Variants in PPP2R5B observed in about 807,000 individuals in gnomAD.
The protein encoded by PPP2R5B is serine/threonine-protein phosphatase 2A 56 kDa regulatory subunit beta isoform.
In PPP2R5B, 19 loss-of-function variants were observed where a neutral mutation model predicts 59.9. The ratio of observed to expected loss-of-function variants is 0.32; its 90% CI spans 0.22 to 0.47. PPP2R5B has a LOEUF of 0.47. Among genes scored for constraint, PPP2R5B ranks in the 20% least tolerant of loss-of-function variants. The pLI is 1.00. For missense variants in PPP2R5B, 441 were observed against 640.2 expected (o/e 0.69, Z 3.36); for synonymous variants, 286 against 260.5 (o/e 1.10, Z -0.94).
chr11:64,921,284 G>A (rs1473157154), upstream of PPP2R5B, among the ~76,000 whole-genome samples: 1 of 151,826 alleles, frequency 6.6e-6, no homozygotes, highest in Non-Finnish European at 1.5e-5. Context: ...CAAATACACT[G>A]GCCCTGGGCA....
At chr11:64,926,091 C>T (rs535866292) in intron 2 of PPP2R5B, among the ~76,000 whole-genome samples, 158 bp downstream of exon 2, 4 of 152,240 alleles carry the variant, frequency 2.6e-5, no homozygotes, top group Non-Finnish European at 5.9e-5. Context: ...AGCCCTCCAG[C>T]CCTCTCTGCT....
intron 1 of PPP2R5B, among the ~76,000 whole-genome samples, chr11:64,918,597 T>C (rs1945071489): frequency 6.6e-6 from 1 of 152,064 alleles, no homozygotes; most frequent in Admixed American, 6.6e-5. Flanking sequence ...TCCCAAAGTG[T>C]TGGGATTACA....
chr11:64,933,840 G>A lies in PPP2R5B; in HGVS notation c.1490G>A (p.Ser497Asn), dbSNP rs1355556877. 5 of 1,535,540 alleles carry A rather than the reference G, an allele frequency of 3.3e-6. No homozygotes were observed. In the East Asian group the frequency reaches 9.8e-5, roughly 30 times the overall value. Residue 497 changes from serine to asparagine, a missense_variant, in exon 14 of 14, where the codon AGC (serine) becomes AAC (asparagine). Ser to Asn is a conservative substitution (Grantham distance 46). This residue lies in a region of PPP2R5B where 70 missense variants were observed against 64.2 expected (regional missense o/e 1.09). Coordinates refer to ENST00000164133, the MANE Select transcript of PPP2R5B (RefSeq NM_006244.4). The part of the protein sequence containing the change: ...TPQVAASGGQ[S>N] Reference sequence around the variant, plus strand: ...CAGGTGGCCGCCAGTGGGGGTCAGAGCTAGACAGCACCTCAGAAGGGGAAA... The same window carrying A: ...CAGGTGGCCGCCAGTGGGGGTCAGAACTAGACAGCACCTCAGAAGGGGAAA...
chr11:64,933,841 C>T lies in PPP2R5B; in HGVS notation c.1491C>T (p.Ser497=), dbSNP rs1236652369. 2 of 1,530,798 alleles carry T rather than the reference C, an allele frequency of 1.3e-6. No individual in the cohort carries two copies. The highest frequency in any genetic ancestry group is 2.4e-5 in the East Asian group (1 of 40,836). The allele number at this position is 1,530,798 out of a possible 1,614,324, so 94.8% of individuals were successfully genotyped here. ...AGGTGGCCGCCAGTGGGGGTCAGAG[C>T]TAGACAGCACCTCAGAAGGGGAAAA... ...TPQVAASGGQ[S] The change falls in exon 14 of 14, where the codon AGC becomes AGT. Residue 497 remains serine, a synonymous_variant. Transcript: ENST00000164133.
intron 12 of PPP2R5B, 26 bp downstream of exon 12, chr11:64,932,918 C>T: frequency 6.2e-7 from 1 of 1,612,728 alleles, no homozygotes; most frequent in Non-Finnish European, 8.5e-7. Flanking sequence ...TGACCTAACT[C>T]ACAGAAACTG....
Position 64,933,897 on chromosome 11 carries a change from C to G in PPP2R5B, c.*53C>G. The G allele has an allele frequency of 6.9e-7, 1 of 1,449,608 alleles. No individual in the cohort carries two copies. The highest frequency in any genetic ancestry group is 1.5e-5 in the South Asian group (1 of 66,746). 89.8% of individuals were successfully genotyped at this position (1,449,608 alleles called of 1,614,324 possible). A position where few individuals can be genotyped will look rare whatever the true frequency, so the allele number is the denominator to read the frequency against. On this transcript the variant is annotated 3_prime_UTR_variant, in exon 14 of 14. Transcript: ENST00000164133. ...ACCCAGAGCTGTCAGTCCCTCTATC[C>G]CTTCTCCTGTCCAGGGGCCCAGAGA...
At position 64,926,966 on chromosome 11, in the gene PPP2R5B, T is replaced by C; in HGVS notation, c.396+58T>C. Reference sequence around the variant, plus strand: ...GCCGAGAGGGCGTGTGAGCCCCGTTTCCTGTCCGCAGGACCCCTGCGTGGA... The same window carrying C: ...GCCGAGAGGGCGTGTGAGCCCCGTTCCCTGTCCGCAGGACCCCTGCGTGGA... On this transcript the variant is annotated intron_variant, in intron 3 of 13. Coordinates refer to ENST00000164133, the MANE Select transcript of PPP2R5B (RefSeq NM_006244.4). 9 of 1,569,490 alleles carry C rather than the reference T, an allele frequency of 5.7e-6. 1 individual carries two copies. The South Asian group carries it at 6.9e-5, about 12-fold the overall frequency.
chr11:64,918,649 A>AT (rs1041845658), intron 1 of PPP2R5B, among the ~76,000 whole-genome samples: 29 of 148,052 alleles, frequency 2.0e-4, no homozygotes, highest in Non-Finnish European at 3.7e-4. Flanking sequence ...TATTTTATTT[A>AT]TTTTTTTTGA....
chr11:64,930,592 G>T lies in PPP2R5B; in HGVS notation c.891+3G>T. ...CGCTGTCTGTCTTCCATGCCCAGGT[G>T]AGGCCCAGGCCTGTCCCTGCTGCAG... On this transcript the variant is annotated splice_donor_region_variant and intron_variant, in intron 8 of 13. Coordinates refer to ENST00000164133, the MANE Select transcript of PPP2R5B (RefSeq NM_006244.4). 1 of 1,612,534 alleles carries T rather than the reference G, an allele frequency of 6.2e-7. No homozygotes were observed. Among genetic ancestry groups the T allele is most frequent in the Non-Finnish European group, 8.5e-7 (1 of 1,178,542 alleles).
intron 12 of PPP2R5B, 64 bp downstream of exon 12, chr11:64,932,956 A>AC (rs1945243480): frequency 1.3e-6 from 2 of 1,595,478 alleles, no homozygotes; most frequent in Admixed American, 3.4e-5. Flanking sequence ...TCCAGACCCG[A>AC]CCCCAGGGTT....
rs1009005442 is a variant in PPP2R5B, at chr11:64,934,000, C to T, written c.*156C>T. 3.8e-5 allele frequency: 35 copies of T among 911,634 alleles called. No homozygotes were observed. The highest frequency in any genetic ancestry group is 7.1e-4 in the Middle Eastern group (2 of 2,828). The allele number at this position is 911,634 out of a possible 1,614,324, so 56.5% of individuals were successfully genotyped here. On this transcript the variant is annotated 3_prime_UTR_variant, in exon 14 of 14. Coordinates refer to ENST00000164133, the MANE Select transcript of PPP2R5B (RefSeq NM_006244.4). Reference sequence around the variant, plus strand: ...CAGCCCAGCTTTCACTGGGGGGAGACGAGGAGAGGCAATGGTGGTCTTGGC... The same window carrying T: ...CAGCCCAGCTTTCACTGGGGGGAGATGAGGAGAGGCAATGGTGGTCTTGGC...
chr11:64,929,769 G>C (rs1239231717), intron 6 of PPP2R5B, among the ~76,000 whole-genome samples: 1 of 152,124 alleles, frequency 6.6e-6, no homozygotes, highest in Non-Finnish European at 1.5e-5. Context: ...CTAACTCAGG[G>C]ACCATTATCG....
In PPP2R5B at chr11:64,934,222, T is replaced by G; in HGVS notation, c.*378T>G. ...TTGGCCAATGCGAGGTCCTTCCTTATCCCCACCATGGGGTCCATGGTCTAT... is the reference window on the plus strand; with the variant it reads ...TTGGCCAATGCGAGGTCCTTCCTTAGCCCCACCATGGGGTCCATGGTCTAT... On this transcript the variant is annotated 3_prime_UTR_variant, in exon 14 of 14. Coordinates refer to ENST00000164133, the MANE Select transcript of PPP2R5B (RefSeq NM_006244.4). The G allele has an allele frequency of 8.7e-6, 2 of 229,730 alleles. No individual in the cohort carries two copies. Among genetic ancestry groups the G allele is most frequent in the Non-Finnish European group, 8.5e-6 (1 of 118,042 alleles). 14.2% of individuals were successfully genotyped at this position (229,730 alleles called of 1,614,324 possible).
intron 1 of PPP2R5B, chr11:64,917,651 A>G (rs1304332815): frequency 6.5e-6 from 1 of 152,978 alleles, no homozygotes; most frequent in Non-Finnish European, 1.5e-5. Context: ...GTGAGTAAAC[A>G]TTCGCATTTT....
chr11:64,923,831 C>G (rs892521804), upstream of PPP2R5B, among the ~76,000 whole-genome samples: 1 of 152,160 alleles, frequency 6.6e-6, no homozygotes, highest in African/African-American at 2.4e-5. Context: ...GAGTTCAGGG[C>G]TATAAAGAGT....
chr11:64,924,590 G>A (rs1176194410), upstream of PPP2R5B: 2 of 152,276 alleles, frequency 1.3e-5, no homozygotes, highest in African/African-American at 2.4e-5. Flanking sequence ...CACTTTAAAC[G>A]GCGCGGGGAC....
chr11:64,929,155 C>A (rs1177600458), intron 6 of PPP2R5B, among the ~76,000 whole-genome samples: 9 of 152,044 alleles, frequency 5.9e-5, no homozygotes, highest in Non-Finnish European at 1.3e-4. Flanking sequence ...AAAGTAGAGG[C>A]CAAGAGAGAT....
At chr11:64,929,068 T>C (rs924961978) in intron 6 of PPP2R5B, among the ~76,000 whole-genome samples, 2 of 152,184 alleles carry the variant, frequency 1.3e-5, no homozygotes, top group Non-Finnish European at 2.9e-5. Context: ...CCTTTCTCAG[T>C]AACGTATTAC....
In PPP2R5B at chr11:64,933,784, CAAG is replaced by C. The variant is rs1282608409; in HGVS notation, c.1435_1437del (p.Lys479del). ...GCCGGCTACAGGGGACCCAGGGGGC[CAAG>C]GAGGCCCCCCTCCAGCGGCTTACAC... On this transcript the variant is annotated inframe_deletion, in exon 14 of 14. Transcript: ENST00000164133. 3 of 1,553,986 alleles carry C rather than the reference CAAG, an allele frequency of 1.9e-6. No homozygotes were observed. The East Asian group carries it at 7.3e-5, about 38-fold the overall frequency.
Sources: allele counts gnomAD v4.1 joint callset (sites outside exome capture counted in the v4.1 genomes callset), GRCh38; gene constraint gnomAD v4.1.1; regional missense constraint gnomAD v4.1.1; transcripts MANE v1.5; gene names NCBI Gene and HGNC (gene_info 2026-07-23, HGNC 2026-07-21).